Variants in MBD3L1 observed in about 807,000 individuals in gnomAD.
MBD3L1 encodes the protein methyl-CpG binding domain protein 3 like 1.
For missense variants in MBD3L1, 203 were observed against 230.1 expected, an observed-to-expected ratio of 0.88 and a Z score of 0.76; for synonymous variants, 84 against 85.1, an observed-to-expected ratio of 0.99 and a Z score of 0.07.
chr19:8,833,389 A>G (rs772031657), intron 1 of MBD3L1: 1 of 152,200 alleles, frequency 6.6e-6, no homozygotes, highest in African/African-American at 2.4e-5. Context: ...AGTCAGTCAA[A>G]TATTCTCCCA....
At chr19:8,841,572 G>T (rs1366400145) in intron 2 of MBD3L1, among the ~76,000 whole-genome samples, 1 of 151,958 alleles carries the variant, frequency 6.6e-6, no homozygotes, top group Non-Finnish European at 1.5e-5. Flanking sequence ...TTATTTATTT[G>T]TTTTGAGACA....
intron 2 of MBD3L1, chr19:8,842,448 A>C: frequency 2.0e-6 from 1 of 507,520 alleles, no homozygotes; most frequent in Non-Finnish European, 3.5e-6. Flanking sequence ...TACTCAAACA[A>C]GGAGGGGGTT....
rs1555776126 is a variant in MBD3L1, at chr19:8,842,334, A to AG, written c.-21-322dup. Among the ~76,000 whole-genome samples the AG allele has an allele frequency of 4.6e-3, 692 of 150,924 alleles. 8 individuals are homozygous for AG. Among genetic ancestry groups the AG allele is most frequent in the African/African-American group, 0.016 (646 of 40,824 alleles). On this transcript the variant is annotated intron_variant, in intron 2 of 2. Transcript: ENST00000595891. ...GGAGTGGGACAAAAAAAAAAAAAAA[A>AG]GGCAAGATTTGAGATTTAGAAAAAG...
rs1466788444 is a variant in MBD3L1, at chr19:8,842,927, T to A, written c.249T>A (p.Leu83=). The A allele has an allele frequency of 1.5e-5, 25 of 1,614,072 alleles. No homozygotes were observed. The highest frequency in any genetic ancestry group is 2.0e-5 in the Non-Finnish European group (24 of 1,180,024). Residue 83 remains leucine (L), a synonymous_variant, in exon 3 of 3, where the codon CTT becomes CTA. Coordinates refer to ENST00000595891, the MANE Select transcript of MBD3L1 (RefSeq NM_001393532.1). ...GLQAYSSAGE[L]SSTLDLANTL... ...AGGCTTACAGCAGTGCAGGAGAACT[T>A]TCAAGCACTTTGGATCTTGCCAATA...
intron 1 of MBD3L1, among the ~76,000 whole-genome samples, chr19:8,835,044 AAG>A (rs2145339800): frequency 6.6e-6 from 1 of 151,902 alleles, no homozygotes; most frequent in South Asian, 2.1e-4. Context: ...AAAGTGAACA[AAG>A]AGTTTTTTTT....
At chr19:8,833,659 A>G (rs2044415156) in intron 1 of MBD3L1, 1 of 152,262 alleles carries the variant, frequency 6.6e-6, no homozygotes, top group Admixed American at 6.5e-5. Context: ...AGTGAATGTG[A>G]TAAATAGAAT....
At chr19:8,837,660 A>T (rs939267066) in intron 1 of MBD3L1, among the ~76,000 whole-genome samples, 1 of 152,204 alleles carries the variant, frequency 6.6e-6, no homozygotes, top group African/African-American at 2.4e-5. Context: ...CACTGGCCTC[A>T]TGGACAAGAC....
At chr19:8,835,864 A>G (rs1047408012) in intron 1 of MBD3L1, among the ~76,000 whole-genome samples, 2 of 152,254 alleles carry the variant, frequency 1.3e-5, no homozygotes, top group Non-Finnish European at 2.9e-5. Context: ...TACATATTCC[A>G]TGGATGAACC....
rs747192779 is a variant in MBD3L1 at position 8,842,923 on chromosome 19, A to G, written c.245A>G (p.Glu82Gly). The part of the protein sequence containing the change: ...QGLQAYSSAG[E>G]LSSTLDLANT... ...CTCCAGGCTTACAGCAGTGCAGGAG[A>G]ACTTTCAAGCACTTTGGATCTTGCC... The change falls in exon 3 of 3, where the codon GAA becomes GGA. Residue 82 changes from glutamate (E) to glycine (G), a missense_variant. Coordinates refer to ENST00000595891, the MANE Select transcript of MBD3L1 (RefSeq NM_001393532.1). The G allele has an allele frequency of 1.9e-6, 3 of 1,614,216 alleles. No individual in the cohort carries two copies. The East Asian group carries it at 6.7e-5, about 36-fold the overall frequency.
At position 8,842,873 on chromosome 19, in the gene MBD3L1, C is replaced by T. The variant is rs2044527037; in HGVS notation, c.195C>T (p.Val65=). Residue 65 remains valine, a synonymous_variant, in exon 3 of 3, where the codon GTC becomes GTT. Transcript: ENST00000595891. ...AGAGCTTGGAGAAGCCTCAGCAGGT[C>T]TGCTGGCAGAGGAGACTGCAGGGAC... is the stretch of plus-strand genomic sequence containing the variant. The part of the protein sequence containing the change: ...WEESLEKPQQ[V]CWQRRLQGLQ... 1.9e-6 allele frequency: 3 copies of T among 1,614,240 alleles called. No homozygotes were observed. The highest frequency in any genetic ancestry group is 2.5e-6 in the Non-Finnish European group (3 of 1,180,056).
At chr19:8,839,185 C>CTTTTTTTT (rs57499698) in intron 1 of MBD3L1, among the ~76,000 whole-genome samples, 12 of 122,120 alleles carry the variant, frequency 9.8e-5, no homozygotes, top group African/African-American at 2.9e-4. Context: ...CTTTTCTTTT[C>CTTTTTTTT]TTTTTTTTTT....
intron 1 of MBD3L1, among the ~76,000 whole-genome samples, chr19:8,838,798 C>T (rs1916725100): frequency 1.3e-5 from 2 of 152,076 alleles, no homozygotes; most frequent in South Asian, 2.1e-4. Flanking sequence ...GAGAAGGGGC[C>T]ATTTGCAAAG....
At chr19:8,841,068 T>G (rs1047900883) in intron 2 of MBD3L1, 69 bp downstream of exon 2, 3 of 151,102 alleles carry the variant, frequency 2.0e-5, no homozygotes, top group African/African-American at 7.3e-5. Context: ...ATTCTGTTGC[T>G]CAGGCTGGAG....
chr19:8,838,908 C>A (rs754531468), intron 1 of MBD3L1, among the ~76,000 whole-genome samples: 2 of 152,052 alleles, frequency 1.3e-5, no homozygotes, highest in Admixed American at 6.5e-5. Flanking sequence ...ATGTGCAGAC[C>A]GAGGTCTTTT....
intron 1 of MBD3L1, among the ~76,000 whole-genome samples, chr19:8,834,132 C>T (rs902892783): frequency 6.6e-6 from 1 of 152,198 alleles, no homozygotes; most frequent in African/African-American, 2.4e-5. Flanking sequence ...TTGTTTCATG[C>T]ACCCGTCCTT....
intron 1 of MBD3L1, among the ~76,000 whole-genome samples, chr19:8,838,958 C>T (rs1385466294): frequency 6.6e-6 from 1 of 152,108 alleles, no homozygotes; most frequent in Non-Finnish European, 1.5e-5. Flanking sequence ...TGCAGTTAGC[C>T]ATCTCTCAGA....
intron 1 of MBD3L1, chr19:8,833,012 C>G (rs953505607): frequency 2.0e-5 from 3 of 152,272 alleles, no homozygotes; most frequent in Admixed American, 1.3e-4. Flanking sequence ...TGGGCGGAGA[C>G]CAGTTCTGGG....
At chr19:8,838,015 G>A (rs985540055) in intron 1 of MBD3L1, among the ~76,000 whole-genome samples, 4 of 151,788 alleles carry the variant, frequency 2.6e-5, no homozygotes, top group African/African-American at 9.7e-5. Context: ...TTGGGAGGCC[G>A]AGGCGGGCGG....
rs1599312465 is a variant in MBD3L1 at position 8,840,931 on chromosome 19, G to C, written c.-90G>C. 6.6e-6 allele frequency: 1 copy of C among 152,056 alleles called. No homozygotes were observed. The highest frequency in any genetic ancestry group is 1.5e-5 in the Non-Finnish European group (1 of 68,002). 9.4% of individuals were successfully genotyped at this position (152,056 alleles called of 1,614,324 possible). ...TTTCAGCAGTGATCATATGACGGTG[G>C]TAGCCATGGCGTCACAGAGAACAGG... On this transcript the variant is annotated 5_prime_UTR_variant, in exon 2 of 3. Transcript: ENST00000595891.
Sources: gnomAD v4.1 joint callset for allele counts (sites outside exome capture counted in the v4.1 genomes callset) on GRCh38, gnomAD v4.1.1 for gene constraint, MANE v1.5 for transcripts, NCBI Gene and HGNC (gene_info 2026-07-23, HGNC 2026-07-21) for gene names.